The following OLFM1 variants were observed in gnomAD, a reference collection of about 807,000 sequenced individuals.
OLFM1 encodes the protein noelin.
A neutral mutation model predicts 49.7 loss-of-function variants in OLFM1; 9 were observed. That is an observed-to-expected ratio of 0.18 (90% CI 0.11 to 0.32). OLFM1 has a LOEUF of 0.32. OLFM1 is among the 10% of genes least tolerant of loss of function. OLFM1 has a pLI of 1.00. For missense variants in OLFM1, 369 were observed against 661.8 expected (o/e 0.56, Z 4.85); for synonymous variants, 240 against 271.8 (o/e 0.88, Z 1.15).
intron 1 of OLFM1, among the ~76,000 whole-genome samples, chr9:135,081,166 TG>T (rs1464725158): frequency 6.6e-6 from 1 of 151,884 alleles, no homozygotes; most frequent in Non-Finnish European, 1.5e-5. Flanking sequence ...CACACAGGCG[TG>T]GGGAGGTTAA....
At position 135,119,782 on chromosome 9, in the gene OLFM1, C is replaced by T. The variant is rs1484439568; in HGVS notation, c.1062C>T (p.Asp354=). 5.6e-6 allele frequency: 9 copies of T among 1,614,006 alleles called. No homozygotes were observed. The highest frequency in any genetic ancestry group is 8.5e-7 in the Non-Finnish European group (1 of 1,180,038). The change falls in exon 6 of 6, where the codon GAC becomes GAT. Residue 354 remains aspartate, a synonymous_variant. Transcript: ENST00000371793. ...ACTACGCCTGGGGTGGCCACTCGGA[C>T]ATCGACCTCATGGTGGACGAGAGCG... ...MYHYAWGGHS[D]IDLMVDESGL...
At chr9:135,086,803 C>T, upstream of OLFM1, 2 of 440,802 alleles carry the variant, frequency 4.5e-6, no homozygotes, top group Non-Finnish European at 9.1e-6. Flanking sequence ...GCCTGGGCGC[C>T]ATGACTCGAG....
chr9:135,095,644 T>C (rs1830779601), intron 2 of OLFM1, among the ~76,000 whole-genome samples: 1 of 152,044 alleles, frequency 6.6e-6, no homozygotes, highest in African/African-American at 2.4e-5. Flanking sequence ...AAGAACAGGT[T>C]GGCAAAGAAA....
At chr9:135,110,000 G>A (rs67776235) in intron 5 of OLFM1, among the ~76,000 whole-genome samples, 13,703 of 152,180 alleles carry the variant, frequency 0.09, 793 homozygotes, top group South Asian at 0.14. Flanking sequence ...CTGTATGTCC[G>A]GCCTGTGCTG....
At chr9:135,111,171 G>A (rs537331913) in intron 5 of OLFM1, among the ~76,000 whole-genome samples, 6 of 152,342 alleles carry the variant, frequency 3.9e-5, no homozygotes, top group East Asian at 1.9e-4. Flanking sequence ...GTTGGGCCTC[G>A]GTTTCGGAGA....
Position 135,106,835 on chromosome 9 carries a change from G to T in OLFM1, c.763G>T (p.Ala255Ser), listed in dbSNP as rs756888103. The change falls in exon 5 of 6, where the codon GCC becomes TCC. Residue 255 changes from alanine to serine, a missense_variant. Transcript: ENST00000371793. ...CGGATCCTGGATGACAGACCCTCTC[G>T]CCCCTGAAGGCGATAACCGGGTGAG... ...RFGSWMTDPL[A>S]PEGDNRVWYM... The T allele has an allele frequency of 1.2e-6, 2 of 1,611,004 alleles. No homozygotes were observed. The highest frequency in any genetic ancestry group is 3.3e-5 in the Admixed American group (2 of 59,808).
rs77070641 is a variant in OLFM1, at chr9:135,098,031, C to T, written c.457-255C>T. On this transcript the variant is annotated intron_variant, in intron 3 of 5. Transcript: ENST00000371793. The surrounding 1 kb of genome is among the most constrained non-coding windows in gnomAD (Gnocchi z 5.6). The stretch of plus-strand genomic sequence containing the variant: ...TTTTGAAAAAGAAAGAAAAAAAAAA[C>T]TTCGTGTATGTGACTCAAAGCATGT... The T allele has an allele frequency of 7.1e-7, 1 of 1,413,832 alleles. No individual in the cohort carries two copies. The highest frequency in any genetic ancestry group is 3.2e-5 in the Admixed American group (1 of 31,668). 87.6% of individuals were successfully genotyped at this position (1,413,832 alleles called of 1,614,324 possible).
intron 1 of OLFM1, chr9:135,077,299 G>A (rs1830480922): frequency 1.4e-6 from 2 of 1,431,768 alleles, no homozygotes; most frequent in Non-Finnish European, 1.8e-6. Context: ...GATTCTGGGT[G>A]GTCCTGGACA....
intron 1 of OLFM1, among the ~76,000 whole-genome samples, chr9:135,081,711 C>T (rs2119087657): frequency 6.6e-6 from 1 of 152,348 alleles, no homozygotes; most frequent in South Asian, 2.1e-4. Context: ...CGCACTGGCT[C>T]ATGCCTGTGA....
At chr9:135,108,646 C>A (rs1283542700) in intron 5 of OLFM1, among the ~76,000 whole-genome samples, 21 of 149,868 alleles carry the variant, frequency 1.4e-4, no homozygotes, top group Admixed American at 4.0e-4. Flanking sequence ...AAAAAAAAAA[C>A]AAAAAAAACA....
At chr9:135,082,249 C>T (rs1263471998) in intron 1 of OLFM1, among the ~76,000 whole-genome samples, 3 of 151,922 alleles carry the variant, frequency 2.0e-5, no homozygotes, top group Non-Finnish European at 4.4e-5. Context: ...GCTCCCCAGC[C>T]CTTGTCCACA....
At position 135,120,875 on chromosome 9, in the gene OLFM1, C is replaced by T. The variant is rs750408150; in HGVS notation, c.*697C>T. ...GCGATGATTGTTGTAAATGCAATGC[C>T]GTAGTTTGGATTAATAAGTGGATGG... On this transcript the variant is annotated 3_prime_UTR_variant, in exon 6 of 6. Transcript: ENST00000371793. 6.6e-6 allele frequency: 1 copy of T among 152,068 alleles called. No homozygotes were observed. Among genetic ancestry groups the T allele is most frequent in the Non-Finnish European group, 1.5e-5 (1 of 68,022 alleles). 9.4% of individuals were successfully genotyped at this position (152,068 alleles called of 1,614,324 possible).
Position 135,098,117 on chromosome 9 carries a change from C to G in OLFM1, c.457-169C>G. 1 of 1,438,342 alleles carries G rather than the reference C, an allele frequency of 7.0e-7. No individual in the cohort carries two copies. Among genetic ancestry groups the G allele is most frequent in the Non-Finnish European group, 9.1e-7 (1 of 1,102,748 alleles). The allele number at this position is 1,438,342 out of a possible 1,614,324, so 89.1% of individuals were successfully genotyped here. A position where few individuals can be genotyped will look rare whatever the true frequency, so the allele number is the denominator to read the frequency against. Reference sequence around the variant, plus strand: ...GACCTTTCCCAAATATGCTGGTGTTCTGAGGACTGTTTAATATGCTCTTCT... The same window carrying G: ...GACCTTTCCCAAATATGCTGGTGTTGTGAGGACTGTTTAATATGCTCTTCT... On this transcript the variant is annotated intron_variant, in intron 3 of 5. Transcript: ENST00000371793. The surrounding 1 kb of genome is among the most constrained non-coding windows in gnomAD (Gnocchi z 5.6).
intron 5 of OLFM1, among the ~76,000 whole-genome samples, chr9:135,118,085 T>C (rs1034944685): frequency 3.3e-5 from 5 of 152,236 alleles, no homozygotes; most frequent in Non-Finnish European, 5.9e-5. Flanking sequence ...TGACTACTGT[T>C]TCCTGGCTCT....
At chr9:135,109,109 C>G (rs919330345) in intron 5 of OLFM1, among the ~76,000 whole-genome samples, 2 of 152,146 alleles carry the variant, frequency 1.3e-5, no homozygotes, top group Admixed American at 6.5e-5. Flanking sequence ...CTAACACCCC[C>G]CAGGACTGGA....
upstream of OLFM1, chr9:135,087,562 G>A (rs912928281): frequency 8.9e-7 from 1 of 1,127,252 alleles, no homozygotes. Context: ...GCGGGGAGCC[G>A]AGCGAGAGGA....
At chr9:135,076,512 A>C in intron 1 of OLFM1, 1 of 1,285,290 alleles carries the variant, frequency 7.8e-7, no homozygotes, top group South Asian at 1.7e-5. Context: ...TCCATTTTAA[A>C]GATGCATATT....
intron 1 of OLFM1, among the ~76,000 whole-genome samples, chr9:135,089,908 C>G (rs1830656562): frequency 6.6e-6 from 1 of 152,280 alleles, no homozygotes; most frequent in South Asian, 2.1e-4. Flanking sequence ...TTTGGCCAGA[C>G]GACAAACTCC....
chr9:135,080,401 T>C lies in OLFM1; in HGVS notation c.96+4599T>C, dbSNP rs1214801468. Among the ~76,000 whole-genome samples, 1 of 152,116 alleles carries C rather than the reference T, an allele frequency of 6.6e-6. No homozygotes were observed. Among genetic ancestry groups the C allele is most frequent in the African/African-American group, 2.4e-5 (1 of 41,414 alleles). On this transcript the variant is annotated intron_variant, in intron 1 of 5. Coordinates refer to the OLFM1 transcript ENST00000252854. The surrounding 1 kb of genome is among the most constrained non-coding windows in gnomAD (Gnocchi z 4.5). ...CCTAAACCCATTATTTCAGAATACG[T>C]GGAATTCATTCAGTCTTTGCACCAA...
Sources: allele counts gnomAD v4.1 joint callset (sites outside exome capture counted in the v4.1 genomes callset), GRCh38; gene constraint gnomAD v4.1.1; non-coding constraint Gnocchi (gnomAD v3.1); transcripts MANE v1.5; gene names NCBI Gene and HGNC (gene_info 2026-07-23, HGNC 2026-07-21).